Variants in RAB33A observed in about 807,000 individuals in gnomAD.
RAB33A encodes RAB33A, member RAS oncogene family.
RAB33A carries 6 observed loss-of-function variants against 12.0 expected under a neutral mutation model. That is an observed-to-expected ratio of 0.50 (90% CI 0.27 to 0.99). RAB33A has a LOEUF of 0.99. Ranked by LOEUF, RAB33A falls within the 50% of genes least tolerant of loss-of-function variation. The probability of loss-of-function intolerance (pLI) is 0.11; values close to 1 mark genes in which losing one functional copy is unlikely to be tolerated. For missense variants in RAB33A, 109 were observed against 192.0 expected, an observed-to-expected ratio of 0.57 and a Z score of 2.55; for synonymous variants, 70 against 82.4, an observed-to-expected ratio of 0.85 and a Z score of 0.81.
intron 1 of RAB33A, 95 bp downstream of exon 1, chrX:130,172,415 G>C: frequency 9.3e-7 from 1 of 1,077,540 alleles, no homozygotes; most frequent in Non-Finnish European, 1.2e-6. Flanking sequence ...AGCGTCCAGC[G>C]CGTGGCGGTT....
the RAB33A span, among the ~76,000 whole-genome samples, chrX:130,144,509 C>T: frequency 9.0e-6 from 1 of 111,482 alleles, no homozygotes; most frequent in African/African-American, 3.3e-5. Context: ...TTTTTGTGCC[C>T]TTGTGCTTTT....
the RAB33A span, chrX:130,131,877 ATTT>A: frequency 4.3e-6 from 4 of 934,714 alleles, no homozygotes; most frequent in Non-Finnish European, 5.9e-6. Flanking sequence ...ATGACACTGC[ATTT>A]TTTTTTTTTT....
the RAB33A span, chrX:130,155,234 A>T: frequency 8.3e-7 from 1 of 1,208,758 alleles, no homozygotes; most frequent in Non-Finnish European, 1.1e-6. Context: ...TCCCAGAAGC[A>T]CCTGTAGATG....
chrX:130,159,010 A>T, the RAB33A span, among the ~76,000 whole-genome samples: 54,188 of 110,425 alleles, frequency 0.49, 10,322 homozygotes, highest in African/African-American at 0.69. Context: ...ACCATGTATA[A>T]TTTGGAACTT....
chrX:130,146,463 G>A, the RAB33A span, among the ~76,000 whole-genome samples: 1 of 106,788 alleles, frequency 9.4e-6, no homozygotes, highest in Non-Finnish European at 1.9e-5. Flanking sequence ...GTGTGTGTGT[G>A]TGTGTGTGTG....
the RAB33A span, among the ~76,000 whole-genome samples, chrX:130,124,318 T>C: frequency 2.7e-5 from 3 of 112,172 alleles, no homozygotes; most frequent in Non-Finnish European, 3.8e-5. Context: ...TCAGAAAATG[T>C]TAAAGAAATG....
At chrX:130,122,201 T>C in the RAB33A span, among the ~76,000 whole-genome samples, 1 of 112,195 alleles carries the variant, frequency 8.9e-6, no homozygotes, top group Non-Finnish European at 1.9e-5. Context: ...TCATCACCTC[T>C]CCACTGGGGT....
At chrX:130,134,469 C>T in the RAB33A span, among the ~76,000 whole-genome samples, 25 of 110,739 alleles carry the variant, frequency 2.3e-4, no homozygotes, top group South Asian at 7.7e-4. Flanking sequence ...TTCATTCATT[C>T]GACAAATATT....
At chrX:130,120,667 C>G in the RAB33A span, among the ~76,000 whole-genome samples, 1 of 112,443 alleles carries the variant, frequency 8.9e-6, no homozygotes, top group African/African-American at 3.2e-5. Flanking sequence ...GGGCGCTCGG[C>G]CGCGGGGCTG....
the RAB33A span, among the ~76,000 whole-genome samples, chrX:130,121,200 G>A: frequency 9.0e-6 from 1 of 111,545 alleles, no homozygotes; most frequent in African/African-American, 3.3e-5. Context: ...CCCGGTCCCC[G>A]GCACACCCTT....
upstream of RAB33A, chrX:130,171,902 C>T (rs2031611043): frequency 1.7e-6 from 1 of 579,276 alleles, no homozygotes; most frequent in African/African-American, 2.3e-5. Flanking sequence ...TTCACGCGCG[C>T]GCGCGCACAC....
chrX:130,164,576 A>G, the RAB33A span, among the ~76,000 whole-genome samples: 1 of 112,147 alleles, frequency 8.9e-6, no homozygotes, highest in Non-Finnish European at 1.9e-5. Context: ...CTACAGGTGG[A>G]TCATTCATTG....
At chrX:130,151,360 T>C in the RAB33A span, among the ~76,000 whole-genome samples, 11 of 110,921 alleles carry the variant, frequency 9.9e-5, no homozygotes, top group East Asian at 2.9e-3. Flanking sequence ...AGGCTGGTCT[T>C]GAACTCCTGA....
At chrX:130,156,148 G>A in the RAB33A span, among the ~76,000 whole-genome samples, 1 of 111,999 alleles carries the variant, frequency 8.9e-6, no homozygotes, top group Admixed American at 9.5e-5. Flanking sequence ...TCACAGGTTA[G>A]TGTGTGACAT....
chrX:130,159,915 G>A, the RAB33A span, among the ~76,000 whole-genome samples: 3 of 109,294 alleles, frequency 2.7e-5, no homozygotes, highest in African/African-American at 1.0e-4. Flanking sequence ...ATGCTTCCTG[G>A]GCTCAAGCCA....
chrX:130,111,041 T>C, the RAB33A span, among the ~76,000 whole-genome samples: 1 of 99,680 alleles, frequency 1.0e-5, no homozygotes, highest in Non-Finnish European at 2.1e-5. Context: ...ACGAGGCATC[T>C]CGGTGGAAAC....
intron 1 of RAB33A, among the ~76,000 whole-genome samples, chrX:130,176,533 G>A (rs1461444251): frequency 9.0e-6 from 1 of 111,619 alleles, no homozygotes; most frequent in Non-Finnish European, 1.9e-5. Context: ...ATACCTTCCT[G>A]TGTTACATTA....
chrX:130,153,352 CAAAAAAAAAA>C, the RAB33A span, among the ~76,000 whole-genome samples: 1 of 42,860 alleles, frequency 2.3e-5, no homozygotes, highest in Non-Finnish European at 4.0e-5. Flanking sequence ...GACTCCGTTT[CAAAAAAAAAA>C]AAAAAAAAAA....
At chrX:130,136,035 G>A in the RAB33A span, 13 of 1,211,513 alleles carry the variant, frequency 1.1e-5, no homozygotes, top group Non-Finnish European at 1.5e-5. Flanking sequence ...TCATGCTGTA[G>A]CACACTTACC....
Sources: allele counts gnomAD v4.1 joint callset (sites outside exome capture counted in the v4.1 genomes callset), GRCh38; gene constraint gnomAD v4.1.1; transcripts MANE v1.5; gene names NCBI Gene and HGNC (gene_info 2026-07-23, HGNC 2026-07-21).